The following SORT1 variants were observed in gnomAD, a reference collection of about 807,000 sequenced individuals.
The protein encoded by SORT1 is sortilin.
A neutral mutation model predicts 101.7 loss-of-function variants in SORT1; 39 were observed. The ratio of observed to expected loss-of-function variants is 0.38; its 90% CI spans 0.30 to 0.50. The LOEUF is 0.50. Among genes scored for constraint, SORT1 ranks in the 20% least tolerant of loss-of-function variants. The pLI, the probability that SORT1 is intolerant of heterozygous loss-of-function variation, is 0.90. For missense variants in SORT1, 878 were observed against 1,040.4 expected, an observed-to-expected ratio of 0.84 and a Z score of 2.15; for synonymous variants, 396 against 393.7, an observed-to-expected ratio of 1.01 and a Z score of -0.07.
intron 9 of SORT1, 75 bp downstream of exon 9, chr1:109,341,939 C>A: frequency 7.1e-7 from 1 of 1,401,880 alleles, no homozygotes; most frequent in Non-Finnish European, 1.0e-6. Context: ...GAGGAAAACT[C>A]GACATGTAAA....
chr1:109,352,220 G>A (rs1271752175), intron 5 of SORT1, among the ~76,000 whole-genome samples: 1 of 152,138 alleles, frequency 6.6e-6, no homozygotes, highest in African/African-American at 2.4e-5. Context: ...GGAATATGAT[G>A]CATTAGGGGA....
chr1:109,380,860 T>C (rs1652184995), intron 1 of SORT1, among the ~76,000 whole-genome samples: 1 of 135,492 alleles, frequency 7.4e-6, no homozygotes. Context: ...GGTATGGTGG[T>C]GTGCACCTGT....
chr1:109,324,748 ATTAC>A, intron 14 of SORT1, 147 bp downstream of exon 14: 1 of 565,114 alleles, frequency 1.8e-6, no homozygotes, highest in Middle Eastern at 4.9e-4. Context: ...ATGCCATTCC[ATTAC>A]TTAATCACCC....
At chr1:109,357,610 T>C (rs1408346852) in intron 3 of SORT1, among the ~76,000 whole-genome samples, 2 of 152,226 alleles carry the variant, frequency 1.3e-5, no homozygotes, top group Non-Finnish European at 2.9e-5. Flanking sequence ...GGTCTTCCTC[T>C]GTCTTGCTGG....
intron 2 of SORT1, chr1:109,368,703 T>C (rs1368844912): frequency 6.6e-6 from 1 of 152,118 alleles, no homozygotes. Context: ...AGCTGACTGA[T>C]CCTCCTTCCA....
rs1466755636 is a variant in SORT1, at chr1:109,372,777, T to C, written c.307-3188A>G. Among the ~76,000 whole-genome samples, 4 of 151,702 alleles carry C rather than the reference T, an allele frequency of 2.6e-5. No homozygotes were observed. In the South Asian group the frequency reaches 8.3e-4, roughly 32 times the overall value. ...AGCCGGGCGTGGTGGCGGGCACCTG[T>C]AGTCCCAGCTACTCCGGAGGCTGAG... On this transcript the variant is annotated intron_variant, in intron 1 of 19. Coordinates refer to ENST00000256637, the MANE Select transcript of SORT1 (RefSeq NM_002959.7).
rs1651333604 is a variant in SORT1 at position 109,369,431 on chromosome 1, A to G, written c.366+99T>C. On this transcript the variant is annotated intron_variant, in intron 2 of 19. Coordinates refer to ENST00000256637, the MANE Select transcript of SORT1 (RefSeq NM_002959.7). ...GTGTTTTCTGTGATTGAGGCTAAAG[A>G]CAGTTTCAGGAAGAAATGATATTAG... is the stretch of plus-strand genomic sequence containing the variant. 4 of 780,532 alleles carry G rather than the reference A, an allele frequency of 5.1e-6. No individual in the cohort carries two copies. The South Asian group carries it at 5.7e-5, about 11-fold the overall frequency. 48.4% of individuals were successfully genotyped at this position (780,532 alleles called of 1,614,324 possible). A position where few individuals can be genotyped will look rare whatever the true frequency, so the allele number is the denominator to read the frequency against.
chr1:109,375,593 A>G (rs1415354421), intron 1 of SORT1, among the ~76,000 whole-genome samples: 1 of 151,286 alleles, frequency 6.6e-6, no homozygotes, highest in Non-Finnish European at 1.5e-5. Context: ...ATGTGATGAA[A>G]AGGATAAACC....
intron 15 of SORT1, among the ~76,000 whole-genome samples, chr1:109,322,245 G>C (rs1647683491): frequency 6.6e-6 from 1 of 151,788 alleles, no homozygotes; most frequent in Non-Finnish European, 1.5e-5. Flanking sequence ...GCCTCAGGCT[G>C]TTTTCTAAAG....
intron 8 of SORT1, among the ~76,000 whole-genome samples, chr1:109,343,527 G>C (rs1165471656): frequency 1.3e-5 from 2 of 152,182 alleles, no homozygotes; most frequent in Non-Finnish European, 2.9e-5. Flanking sequence ...TACTCCTCCA[G>C]AAGGTATCAT....
intron 3 of SORT1, among the ~76,000 whole-genome samples, chr1:109,356,846 G>T (rs1650359548): frequency 6.6e-6 from 1 of 152,148 alleles, no homozygotes; most frequent in African/African-American, 2.4e-5. Context: ...ACCCTGACAG[G>T]TTTAATACTA....
chr1:109,377,857 C>G (rs1265489269), intron 1 of SORT1, among the ~76,000 whole-genome samples: 3 of 151,952 alleles, frequency 2.0e-5, no homozygotes, highest in African/African-American at 7.3e-5. Context: ...TCAAAGAACA[C>G]CACAAATAAA....
In SORT1 at chr1:109,393,418, T is replaced by C. The variant is rs1285146496; in HGVS notation, c.306+4169A>G. The C allele has an allele frequency of 7.5e-6, 4 of 533,910 alleles. No individual in the cohort carries two copies. The South Asian group carries it at 2.4e-4, about 33-fold the overall frequency. The allele number at this position is 533,910 out of a possible 1,614,324, so 33.1% of individuals were successfully genotyped here. The stretch of plus-strand genomic sequence containing the variant: ...ACAGGAATGAGAAGTAAGGAAATTA[T>C]GTCAGCCACCACCACAACTCTGGCC... On this transcript the variant is annotated intron_variant, in intron 1 of 19. Coordinates refer to ENST00000256637, the MANE Select transcript of SORT1 (RefSeq NM_002959.7).
At chr1:109,360,095 T>C (rs1302834567) in intron 3 of SORT1, among the ~76,000 whole-genome samples, 2 of 152,218 alleles carry the variant, frequency 1.3e-5, no homozygotes, top group Non-Finnish European at 2.9e-5. Context: ...TTAGTTATTT[T>C]TAAAGAGTAG....
chr1:109,346,542 A>G (rs1266962113), intron 7 of SORT1, among the ~76,000 whole-genome samples: 1 of 151,610 alleles, frequency 6.6e-6, no homozygotes, highest in African/African-American at 2.4e-5. Flanking sequence ...TCAGGAGTTC[A>G]AGACCACCCT....
chr1:109,325,558 C>CGTCT (rs1398087490), intron 13 of SORT1, among the ~76,000 whole-genome samples: 1 of 151,930 alleles, frequency 6.6e-6, no homozygotes, highest in Non-Finnish European at 1.5e-5. Context: ...TAACTTTTAA[C>CGTCT]GTCTGTAGTT....
intron 1 of SORT1, among the ~76,000 whole-genome samples, chr1:109,374,437 A>G (rs1456365613): frequency 6.6e-6 from 1 of 151,958 alleles, no homozygotes. Context: ...CTAAAATACT[A>G]AAAATTAGCC....
chr1:109,340,620 G>A (rs1649146233), intron 10 of SORT1, 104 bp downstream of exon 10: 7 of 1,144,684 alleles, frequency 6.1e-6, no homozygotes, highest in Non-Finnish European at 7.7e-6. Flanking sequence ...GGGTAGGCTT[G>A]TTGGCTTGGC....
In SORT1 at chr1:109,314,378, C is replaced by T. The variant is rs1658913135; in HGVS notation, c.2364G>A (p.Leu788=). The change falls in exon 19 of 20, where the codon CTG becomes CTA. Residue 788 remains leucine (L), a synonymous_variant. Coordinates refer to ENST00000256637, the MANE Select transcript of SORT1 (RefSeq NM_002959.7). ...VKKYVCGGRF[L]VHRYSVLQQH... ...GCTGCAGCACAGAGTATCGATGCAC[C>T]AGGAACCTGTGAACAGAAACCTCCT... The T allele has an allele frequency of 6.2e-7, 1 of 1,613,850 alleles. No homozygotes were observed. The highest frequency in any genetic ancestry group is 8.5e-7 in the Non-Finnish European group (1 of 1,179,976).
Sources: allele counts gnomAD v4.1 joint callset (sites outside exome capture counted in the v4.1 genomes callset), GRCh38; gene constraint gnomAD v4.1.1; transcripts MANE v1.5; gene names NCBI Gene and HGNC (gene_info 2026-07-23, HGNC 2026-07-21).